The following MTUS1 variants were observed in gnomAD, a reference collection of about 807,000 sequenced individuals.
MTUS1 encodes the protein microtubule-associated tumor suppressor 1.
MTUS1 carries 109 observed loss-of-function variants against 120.8 expected under a neutral mutation model. The ratio of observed to expected loss-of-function variants is 0.90; its 90% confidence interval spans 0.77 to 1.06. MTUS1 has a LOEUF of 1.06. MTUS1 is among the 50% of genes least tolerant of loss of function. The pLI, the probability that MTUS1 is intolerant of heterozygous loss-of-function variation, is 0.00. For missense variants in MTUS1, 2,210 were observed against 1,486.3 expected (o/e 1.49, Z -8.01); for synonymous variants, 737 against 550.5 (o/e 1.34, Z -4.74).
rs1219810143 is a variant in MTUS1, at chr8:17,668,625, ATCTTT to A, written c.2905+6556_2905+6560del. 7.2e-5 allele frequency among the ~76,000 whole-genome samples: 11 copies of A among 152,310 alleles called. No homozygotes were observed. The East Asian group carries it at 9.6e-4, about 13-fold the overall frequency. ...GACTATGCATTCCTAAAGGACAATT[ATCTTT>A]TCTTTTCAAGATGTGGATTTCATTT... On this transcript the variant is annotated intron_variant, in intron 8 of 14. Transcript: ENST00000693296.
intron 1 of MTUS1, among the ~76,000 whole-genome samples, chr8:17,779,745 C>A (rs1381917469): frequency 6.6e-6 from 1 of 152,208 alleles, no homozygotes; most frequent in African/African-American, 2.4e-5. Context: ...TTGGCAAATG[C>A]CTCTAAGAGA....
chr8:17,664,292 T>C (rs1810412898), intron 8 of MTUS1, among the ~76,000 whole-genome samples: 1 of 152,090 alleles, frequency 6.6e-6, no homozygotes, highest in Non-Finnish European at 1.5e-5. Flanking sequence ...AGAACTAAAA[T>C]ATAAAAAAGA....
intron 2 of MTUS1, among the ~76,000 whole-genome samples, chr8:17,752,086 C>T (rs1161211435): frequency 1.3e-5 from 2 of 152,120 alleles, no homozygotes; most frequent in African/African-American, 4.8e-5. Flanking sequence ...CTCAGTACCA[C>T]ATCGGGAGCC....
chr8:17,710,413 G>A (rs936647437), intron 6 of MTUS1, among the ~76,000 whole-genome samples: 1 of 152,176 alleles, frequency 6.6e-6, no homozygotes. Context: ...TCCATCTCAA[G>A]AAGATACTTT....
chr8:17,760,559 G>C (rs1367413226), intron 1 of MTUS1, among the ~76,000 whole-genome samples: 1 of 152,126 alleles, frequency 6.6e-6, no homozygotes, highest in Non-Finnish European at 1.5e-5. Flanking sequence ...TGTCAAAAGA[G>C]TTAAAAGTTG....
At chr8:17,769,293 A>C (rs1271913102) in intron 1 of MTUS1, among the ~76,000 whole-genome samples, 1 of 147,350 alleles carries the variant, frequency 6.8e-6, no homozygotes, top group Admixed American at 6.8e-5. Context: ...CATGTGGAAG[A>C]CCTTACACAT....
chr8:17,748,468 C>A lies in MTUS1; in HGVS notation c.2092-4669G>T, dbSNP rs569334385. Among the ~76,000 whole-genome samples, 86 of 152,280 alleles carry A rather than the reference C, an allele frequency of 5.6e-4. 1 individual carries two copies. Among genetic ancestry groups the A allele is most frequent in the African/African-American group, 2.0e-3 (85 of 41,562 alleles). ...ACCCAAAAAAGGTTATCACACTGACCCTTTGCCCTCGCTACTGGAGGGCAG... is the reference window on the plus strand; with the variant it reads ...ACCCAAAAAAGGTTATCACACTGACACTTTGCCCTCGCTACTGGAGGGCAG... On this transcript the variant is annotated intron_variant, in intron 2 of 14. Transcript: ENST00000693296.
intron 12 of MTUS1, among the ~76,000 whole-genome samples, chr8:17,650,746 G>T (rs1806804911): frequency 6.6e-6 from 1 of 152,112 alleles, no homozygotes; most frequent in African/African-American, 2.4e-5. Flanking sequence ...CTACATCAGG[G>T]GAGGCGTCCT....
intron 8 of MTUS1, among the ~76,000 whole-genome samples, chr8:17,661,136 A>G (rs954602858): frequency 2.6e-5 from 4 of 152,190 alleles, no homozygotes; most frequent in African/African-American, 9.7e-5. Context: ...ACGAGTAAAC[A>G]CTGCATTAGC....
At chr8:17,717,851 A>T (rs932290588) in intron 4 of MTUS1, among the ~76,000 whole-genome samples, 1 of 152,300 alleles carries the variant, frequency 6.6e-6, no homozygotes, top group South Asian at 2.1e-4. Flanking sequence ...CACACCCATC[A>T]TCAGCTTCAT....
chr8:17,701,074 A>G (rs1027369787), intron 6 of MTUS1, among the ~76,000 whole-genome samples: 2 of 152,214 alleles, frequency 1.3e-5, no homozygotes, highest in African/African-American at 4.8e-5. Flanking sequence ...GTTAATGATC[A>G]TAAAGAATGA....
intron 1 of MTUS1, among the ~76,000 whole-genome samples, chr8:17,776,749 G>C (rs978178358): frequency 2.8e-5 from 4 of 143,388 alleles, no homozygotes; most frequent in African/African-American, 7.6e-5. Flanking sequence ...TTCAATAAAT[G>C]TTGACTGTAA....
intron 4 of MTUS1, chr8:17,723,431 T>C: frequency 1.9e-6 from 1 of 538,272 alleles, no homozygotes; most frequent in East Asian, 3.3e-5. Flanking sequence ...CAAAACACCA[T>C]CACTTCAGAC....
At chr8:17,799,798 C>T (rs530333884) in intron 1 of MTUS1, among the ~76,000 whole-genome samples, 1 of 152,218 alleles carries the variant, frequency 6.6e-6, no homozygotes, top group African/African-American at 2.4e-5. Context: ...GGTGAAAAAA[C>T]GTGGTGCAAG....
intron 1 of MTUS1, among the ~76,000 whole-genome samples, chr8:17,764,058 T>C (rs563538634): frequency 1.3e-5 from 2 of 152,318 alleles, no homozygotes; most frequent in African/African-American, 4.8e-5. Context: ...AAATAAATTA[T>C]ACCTGAATGT....
intron 4 of MTUS1, among the ~76,000 whole-genome samples, chr8:17,716,969 C>T (rs937527358): frequency 1.4e-4 from 22 of 152,172 alleles, no homozygotes; most frequent in African/African-American, 5.1e-4. Flanking sequence ...ACTTCACTCA[C>T]TTAGCAAAGG....
At chr8:17,798,792 T>A (rs116037877) in intron 1 of MTUS1, among the ~76,000 whole-genome samples, 2,804 of 152,258 alleles carry the variant, frequency 0.018, 71 homozygotes, top group African/African-American at 0.064. Flanking sequence ...AAAGATAAAA[T>A]GGGAAAAGTA....
At chr8:17,650,328 T>C (rs1038043128) in intron 12 of MTUS1, among the ~76,000 whole-genome samples, 1 of 152,162 alleles carries the variant, frequency 6.6e-6, no homozygotes, top group Non-Finnish European at 1.5e-5. Flanking sequence ...ACAACAGTTC[T>C]CTCCTACCAA....
intron 3 of MTUS1, among the ~76,000 whole-genome samples, chr8:17,740,648 C>T (rs1586078539): frequency 6.6e-6 from 1 of 152,148 alleles, no homozygotes; most frequent in African/African-American, 2.4e-5. Flanking sequence ...ACAGTAGAAT[C>T]AAATTAGTCT....
Sources: gnomAD v4.1 joint callset for allele counts (sites outside exome capture counted in the v4.1 genomes callset) on GRCh38, gnomAD v4.1.1 for gene constraint, MANE v1.5 for transcripts, NCBI Gene and HGNC (gene_info 2026-07-23, HGNC 2026-07-21) for gene names.